Variants in SNX8 observed in about 807,000 individuals in gnomAD.
SNX8 encodes the protein sorting nexin-8.
Under a neutral mutation model 51.6 loss-of-function variants are expected in SNX8, and 25 were observed. That is an observed-to-expected ratio of 0.48 (90% CI 0.35 to 0.68). The LOEUF is 0.68. Among genes scored for constraint, SNX8 ranks in the 30% least tolerant of loss-of-function variants. The probability of loss-of-function intolerance (pLI) is 0.00; values close to 1 mark genes in which losing one functional copy is unlikely to be tolerated. For synonymous variants in SNX8, 324 were observed against 277.0 expected, an observed-to-expected ratio of 1.17 and a Z score of -1.68; for missense variants, 695 against 624.0, an observed-to-expected ratio of 1.11 and a Z score of -1.21.
intron 7 of SNX8, among the ~76,000 whole-genome samples, chr7:2,261,049 G>A (rs1376946285): frequency 2.6e-5 from 4 of 152,238 alleles, no homozygotes; most frequent in African/African-American, 9.6e-5. Flanking sequence ...AAGAGGGAGT[G>A]GAATGTGGGA....
At chr7:2,303,977 T>TA (rs997614746) in intron 1 of SNX8, among the ~76,000 whole-genome samples, 2 of 144,352 alleles carry the variant, frequency 1.4e-5, no homozygotes, top group East Asian at 2.0e-4. Flanking sequence ...AAATAAAAAA[T>TA]AAAAAAAAAT....
chr7:2,343,366 A>AATCT (rs1249663360), intron 1 of SNX8, among the ~76,000 whole-genome samples: 3 of 152,124 alleles, frequency 2.0e-5, no homozygotes, highest in Non-Finnish European at 4.4e-5. Flanking sequence ...TAAAGACTAG[A>AATCT]AGCCTGAACT....
intron 1 of SNX8, among the ~76,000 whole-genome samples, chr7:2,282,906 G>T (rs1469619440): frequency 1.3e-5 from 2 of 152,130 alleles, no homozygotes; most frequent in East Asian, 1.9e-4. Context: ...TGGATCACGA[G>T]GTCAGGAGAT....
chr7:2,271,303 G>A (rs1429199939), intron 4 of SNX8, among the ~76,000 whole-genome samples: 1 of 152,202 alleles, frequency 6.6e-6, no homozygotes, highest in Non-Finnish European at 1.5e-5. Context: ...CGGCCTCTCC[G>A]AGCGCTGGGA....
In SNX8 at chr7:2,295,563, G is replaced by A. The variant is rs111873179; in HGVS notation, c.95-17258C>T. On this transcript the variant is annotated intron_variant, in intron 1 of 10. Coordinates refer to ENST00000222990, the MANE Select transcript of SNX8 (RefSeq NM_013321.4). The stretch of plus-strand genomic sequence containing the variant: ...CTACTAAAAATACAAAAATCAGCCA[G>A]GCATGGTGGCAGGCGCCTGTAATCC... 4.1e-3 allele frequency among the ~76,000 whole-genome samples: 603 copies of A among 145,972 alleles called. 5 individuals are homozygous for A. The highest frequency in any genetic ancestry group is 0.015 in the African/African-American group (565 of 38,634).
intron 1 of SNX8, among the ~76,000 whole-genome samples, chr7:2,333,191 G>A (rs1778770233): frequency 1.3e-5 from 2 of 151,820 alleles, no homozygotes; most frequent in Admixed American, 6.6e-5. Flanking sequence ...TGGGATTACA[G>A]GTGTGAACCA....
intron 1 of SNX8, among the ~76,000 whole-genome samples, chr7:2,341,558 G>C (rs1778926589): frequency 6.6e-6 from 1 of 152,084 alleles, no homozygotes; most frequent in African/African-American, 2.4e-5. Context: ...CACAGTCCTA[G>C]CACTTTGGGA....
chr7:2,332,504 A>G (rs1359335057), intron 1 of SNX8, among the ~76,000 whole-genome samples: 5 of 152,092 alleles, frequency 3.3e-5, no homozygotes, highest in Non-Finnish European at 7.4e-5. Flanking sequence ...CCTGTGATCC[A>G]GCACCTAGGA....
intron 1 of SNX8, among the ~76,000 whole-genome samples, chr7:2,346,583 T>TA (rs756442228): frequency 1.3e-4 from 19 of 150,500 alleles, no homozygotes; most frequent in South Asian, 4.2e-4. Flanking sequence ...CCGTCTCTAC[T>TA]AAAATACAAA....
rs191507400 is a variant in SNX8 at position 2,346,886 on chromosome 7, C to T, written c.-66+7336G>A. On this transcript the variant is annotated intron_variant, in intron 1 of 5. Transcript: ENST00000435336. The stretch of plus-strand genomic sequence containing the variant: ...AGTGAGCCGAGATCACACCACTGTA[C>T]GCCAGCCTGGGCGACAGAGATTGAG... Among the ~76,000 whole-genome samples, 1,116 of 145,780 alleles carry T rather than the reference C, an allele frequency of 7.7e-3. 5 individuals carry two copies. The highest frequency in any genetic ancestry group is 0.01 in the Non-Finnish European group (689 of 66,974).
chr7:2,322,415 C>G (rs1046140591), intron 1 of SNX8, among the ~76,000 whole-genome samples: 2 of 151,882 alleles, frequency 1.3e-5, no homozygotes, highest in African/African-American at 4.8e-5. Context: ...TAAATGCTGG[C>G]TGGGCGCCGT....
At chr7:2,295,592 C>CAA (rs147853805) in intron 1 of SNX8, among the ~76,000 whole-genome samples, 19 of 93,538 alleles carry the variant, frequency 2.0e-4, no homozygotes, top group African/African-American at 6.7e-4. Flanking sequence ...GTAATCCCAG[C>CAA]AAAAAAAAAA....
At chr7:2,330,819 G>A (rs371411329) in intron 1 of SNX8, among the ~76,000 whole-genome samples, 4 of 152,098 alleles carry the variant, frequency 2.6e-5, no homozygotes, top group African/African-American at 9.7e-5. Flanking sequence ...AAACAACAGT[G>A]AAGCAAGAAA....
chr7:2,310,067 G>A (rs952105846), intron 1 of SNX8: 4 of 359,004 alleles, frequency 1.1e-5, no homozygotes, highest in African/African-American at 2.1e-5. Flanking sequence ...GTTCTAAAGA[G>A]TCAATGTAGG....
intron 1 of SNX8, among the ~76,000 whole-genome samples, chr7:2,330,530 G>A (rs1250217783): frequency 1.3e-5 from 2 of 152,024 alleles, no homozygotes; most frequent in South Asian, 2.1e-4. Context: ...CCCAAAAGAC[G>A]GTCCTGGGAA....
At position 2,275,203 on chromosome 7, in the gene SNX8, C is replaced by T. The variant is rs745867990; in HGVS notation, c.327G>A (p.Arg109=). ...CCTGGAAGACCACGAAGTCATTGTA[C>T]CGTCTGTATACCGAGGACTTGAAGC... is the stretch of plus-strand genomic sequence containing the variant. The part of the protein sequence containing the change: ...SQRFKSSVYR[R]YNDFVVFQEM... The change falls in exon 3 of 11, where the codon CGG becomes CGA. Residue 109 remains arginine (R), a synonymous_variant. Transcript: ENST00000222990. The T allele has an allele frequency of 5.6e-6, 9 of 1,613,816 alleles. No individual in the cohort carries two copies. Among genetic ancestry groups the T allele is most frequent in the Admixed American group, 3.3e-5 (2 of 60,004 alleles).
intron 1 of SNX8, among the ~76,000 whole-genome samples, chr7:2,336,465 T>G (rs752232332): frequency 6.6e-6 from 1 of 152,096 alleles, no homozygotes; most frequent in Non-Finnish European, 1.5e-5. Flanking sequence ...TCCTAGCACT[T>G]TGGGAGGCCA....
chr7:2,331,377 C>G (rs1463356944), intron 1 of SNX8, among the ~76,000 whole-genome samples: 2 of 151,452 alleles, frequency 1.3e-5, no homozygotes, highest in Non-Finnish European at 2.9e-5. Flanking sequence ...TAGCGATGTA[C>G]TATTGGAAAA....
At chr7:2,290,367 G>A (rs969046665) in intron 1 of SNX8, among the ~76,000 whole-genome samples, 4 of 152,014 alleles carry the variant, frequency 2.6e-5, no homozygotes, top group Admixed American at 6.6e-5. Context: ...AGCCAGGCAC[G>A]GTGATGCATG....
Sources: gnomAD v4.1 joint callset for allele counts (sites outside exome capture counted in the v4.1 genomes callset) on GRCh38, gnomAD v4.1.1 for gene constraint, MANE v1.5 for transcripts, NCBI Gene and HGNC (gene_info 2026-07-23, HGNC 2026-07-21) for gene names.